USP32: variants seen among roughly 807,000 people sequenced by gnomAD.
USP32 encodes ubiquitin carboxyl-terminal hydrolase 32.
A neutral mutation model predicts 204.8 loss-of-function variants in USP32; 59 were observed. The ratio of observed to expected loss-of-function variants is 0.29; its 90% confidence interval spans 0.23 to 0.36. USP32 has a LOEUF of 0.36. Ranked by LOEUF, USP32 falls within the 10% of genes least tolerant of loss-of-function variation. The pLI, the probability that USP32 is intolerant of heterozygous loss-of-function variation, is 1.00. For missense variants in USP32, 1,160 were observed against 1,946.4 expected (o/e 0.60, Z 7.60); for synonymous variants, 517 against 678.4 (o/e 0.76, Z 3.70).
At chr17:60,260,669 CATTT>C (rs2086429718) in intron 9 of USP32, among the ~76,000 whole-genome samples, 1 of 151,304 alleles carries the variant, frequency 6.6e-6, no homozygotes, top group African/African-American at 2.4e-5. Flanking sequence ...ATGAAGTAAA[CATTT>C]ATTTACTAAG....
At chr17:60,374,431 G>C (rs1164192574) in intron 1 of USP32, among the ~76,000 whole-genome samples, 3 of 147,314 alleles carry the variant, frequency 2.0e-5, no homozygotes, top group Admixed American at 6.8e-5. Flanking sequence ...GTCTTACTCT[G>C]TCTCCCAGGC....
At chr17:60,380,168 C>T (rs1003815365) in intron 1 of USP32, among the ~76,000 whole-genome samples, 2 of 152,156 alleles carry the variant, frequency 1.3e-5, no homozygotes, top group African/African-American at 2.4e-5. Flanking sequence ...TTCATCTTGC[C>T]TTTCCAACAC....
At chr17:60,204,197 A>C (rs1303770747) in intron 26 of USP32, among the ~76,000 whole-genome samples, 1 of 152,180 alleles carries the variant, frequency 6.6e-6, no homozygotes, top group African/African-American at 2.4e-5. Context: ...AAAACAAAAC[A>C]AAAAAACCAA....
At chr17:60,202,659 T>A (rs1461252266) in intron 26 of USP32, among the ~76,000 whole-genome samples, 1 of 152,058 alleles carries the variant, frequency 6.6e-6, no homozygotes, top group Non-Finnish European at 1.5e-5. Context: ...TTATGTGTCA[T>A]TTTTAAAGTT....
chr17:60,292,643 C>T (rs539398214), intron 4 of USP32, among the ~76,000 whole-genome samples: 29 of 152,294 alleles, frequency 1.9e-4, no homozygotes, highest in Non-Finnish European at 2.6e-4. Context: ...TACCTCACTG[C>T]TACACCATGT....
chr17:60,294,383 A>AGTGTGTGTGT (rs60195146), intron 4 of USP32, among the ~76,000 whole-genome samples: 4,192 of 146,446 alleles, frequency 0.029, 213 homozygotes, highest in African/African-American at 0.099. Context: ...TTCCTGCAGG[A>AGTGTGTGTGT]GTGTGTGTGT....
chr17:60,248,155 G>A (rs2086082237), intron 11 of USP32, among the ~76,000 whole-genome samples: 1 of 150,228 alleles, frequency 6.7e-6, no homozygotes, highest in African/African-American at 2.5e-5. Context: ...TGGATTGACA[G>A]TTTTTGCTTT....
intron 2 of USP32, among the ~76,000 whole-genome samples, chr17:60,304,035 A>C (rs1446260127): frequency 6.6e-6 from 1 of 152,204 alleles, no homozygotes; most frequent in Non-Finnish European, 1.5e-5. Flanking sequence ...CAAAATGAAT[A>C]GACACAAAAC....
chr17:60,356,650 TAGC>T (rs1439655994), intron 1 of USP32, among the ~76,000 whole-genome samples: 2 of 152,090 alleles, frequency 1.3e-5, no homozygotes, highest in African/African-American at 4.8e-5. Context: ...AAATAAATAA[TAGC>T]AGGAACAACA....
intron 5 of USP32, among the ~76,000 whole-genome samples, chr17:60,275,090 T>C (rs2086808797): frequency 6.6e-6 from 1 of 152,236 alleles, no homozygotes; most frequent in Admixed American, 6.5e-5. Flanking sequence ...TATGTTTTGT[T>C]CCCTGTTACA....
chr17:60,352,333 A>G (rs1330865584), intron 1 of USP32, among the ~76,000 whole-genome samples: 1 of 152,164 alleles, frequency 6.6e-6, no homozygotes, highest in African/African-American at 2.4e-5. Context: ...GCCATTTTAC[A>G]CACCTATTTT....
chr17:60,230,943 A>C (rs886737534), intron 12 of USP32, among the ~76,000 whole-genome samples: 1 of 152,110 alleles, frequency 6.6e-6, no homozygotes, highest in Admixed American at 6.5e-5. Flanking sequence ...ACATCAAAGG[A>C]TCATGTTTTG....
chr17:60,341,826 G>A (rs749248804), intron 2 of USP32, among the ~76,000 whole-genome samples: 4 of 152,152 alleles, frequency 2.6e-5, no homozygotes, highest in Non-Finnish European at 4.4e-5. Flanking sequence ...AGGTTTTTTA[G>A]CTTCCTTGCG....
At position 60,301,532 on chromosome 17, in the gene USP32, A is replaced by ATC. The variant is rs143710804; in HGVS notation, c.292+65_292+66dup. On this transcript the variant is annotated intron_variant, in intron 3 of 33. Transcript: ENST00000300896. ...TGTCAATTCAAATCCTCTACCTGTC[A>ATC]TCAGAATTTTGAGATAAATTATTCT... is the stretch of plus-strand genomic sequence containing the variant. 2,045 of 991,836 alleles carry ATC rather than the reference A, an allele frequency of 2.1e-3. 40 individuals carry two copies. In the African/African-American group the frequency reaches 0.032, roughly 16 times the overall value. 61.4% of individuals were successfully genotyped at this position (991,836 alleles called of 1,614,324 possible). A position where few individuals can be genotyped will look rare whatever the true frequency, so the allele number is the denominator to read the frequency against.
At chr17:60,202,508 C>T (rs1385692005) in intron 26 of USP32, among the ~76,000 whole-genome samples, 7 of 151,528 alleles carry the variant, frequency 4.6e-5, no homozygotes, top group Admixed American at 2.6e-4. Context: ...TGGGATTGTG[C>T]ATTAAGTCAT....
chr17:60,223,846 T>C (rs1391611621), intron 13 of USP32, among the ~76,000 whole-genome samples: 2 of 152,168 alleles, frequency 1.3e-5, no homozygotes, highest in Non-Finnish European at 2.9e-5. Flanking sequence ...TAATTCATAA[T>C]GAGAATTATA....
intron 5 of USP32, among the ~76,000 whole-genome samples, chr17:60,288,044 G>A (rs2087164077): frequency 6.8e-6 from 1 of 147,252 alleles, no homozygotes; most frequent in Admixed American, 6.8e-5. Flanking sequence ...AACCCGGGAG[G>A]TGGAGATTGC....
intron 1 of USP32, among the ~76,000 whole-genome samples, chr17:60,412,534 C>CAA (rs202179814): frequency 5.5e-5 from 6 of 108,600 alleles, no homozygotes; most frequent in African/African-American, 9.9e-5. Context: ...TACCCTGTTT[C>CAA]AAAAAAAAAA....
chr17:60,273,436 C>A (rs2086769272), intron 5 of USP32, among the ~76,000 whole-genome samples: 1 of 152,168 alleles, frequency 6.6e-6, no homozygotes, highest in African/African-American at 2.4e-5. Context: ...AAAACTAACT[C>A]TAGAGTAAAG....
Sources: gnomAD v4.1 joint callset for allele counts (sites outside exome capture counted in the v4.1 genomes callset) on GRCh38, gnomAD v4.1.1 for gene constraint, MANE v1.5 for transcripts, NCBI Gene and HGNC (gene_info 2026-07-23, HGNC 2026-07-21) for gene names.